Variants in FSTL5 observed in about 807,000 individuals in gnomAD.
The protein encoded by FSTL5 is follistatin-related protein 5.
A neutral mutation model predicts 89.1 loss-of-function variants in FSTL5; 62 were observed. The observed-to-expected ratio is 0.70, with a 90% CI of 0.57 to 0.86. FSTL5 has a LOEUF of 0.86. FSTL5 is among the 40% of genes least tolerant of loss of function. The pLI is 0.00. For synonymous variants in FSTL5, 383 were observed against 346.2 expected (o/e 1.11, Z -1.18); for missense variants, 1,057 against 1,001.6 (o/e 1.06, Z -0.75).
intron 4 of FSTL5, among the ~76,000 whole-genome samples, chr4:161,823,903 T>C (rs1322713732): frequency 2.0e-5 from 3 of 152,372 alleles, no homozygotes; most frequent in Non-Finnish European, 2.9e-5. Context: ...TTGTAGATTC[T>C]GGATACTAGT....
intron 4 of FSTL5, among the ~76,000 whole-genome samples, chr4:161,875,969 A>G (rs1215965125): frequency 6.6e-6 from 1 of 152,192 alleles, no homozygotes; most frequent in Non-Finnish European, 1.5e-5. Context: ...TACAACCACA[A>G]ATGAAAGTCA....
intron 1 of FSTL5, among the ~76,000 whole-genome samples, chr4:162,132,290 T>C (rs1490276774): frequency 6.6e-6 from 1 of 152,206 alleles, no homozygotes; most frequent in Non-Finnish European, 1.5e-5. Flanking sequence ...CAGTGCTCCA[T>C]CAGAGGCAAA....
intron 8 of FSTL5, among the ~76,000 whole-genome samples, chr4:161,545,694 T>A (rs554921414): frequency 1.1e-4 from 17 of 152,084 alleles, no homozygotes; most frequent in African/African-American, 4.1e-4. Flanking sequence ...GGGTTACTAG[T>A]TGCATTCCAT....
chr4:161,747,585 T>C (rs1740244136), intron 6 of FSTL5, among the ~76,000 whole-genome samples: 2 of 152,218 alleles, frequency 1.3e-5, no homozygotes, highest in East Asian at 3.9e-4. Flanking sequence ...TCTGTAAAGC[T>C]TTAAACATAG....
At position 161,386,194 on chromosome 4, in the gene FSTL5, G is replaced by T. The variant is rs755467801; in HGVS notation, c.2097C>A (p.Val699=). ...FNSDVTGTPY[V]SPDGHYLVSI... ...TGACAAGGTAGTGGCCATCTGGAGA[G>T]ACATATGGAGTGCCCGTCACATCAC... Residue 699 remains valine, a synonymous_variant, in exon 16 of 16, where the codon GTC becomes GTA. Transcript: ENST00000306100. 17 of 1,613,882 alleles carry T rather than the reference G, an allele frequency of 1.1e-5. No homozygotes were observed. The highest frequency in any genetic ancestry group is 1.7e-5 in the Admixed American group (1 of 59,972).
At chr4:161,515,882 G>A (rs1730806211) in intron 10 of FSTL5, among the ~76,000 whole-genome samples, 1 of 151,336 alleles carries the variant, frequency 6.6e-6, no homozygotes. Flanking sequence ...AGTAGTATAT[G>A]TTCCTGCAAG....
intron 7 of FSTL5, among the ~76,000 whole-genome samples, chr4:161,590,447 G>A (rs531104197): frequency 9.2e-5 from 14 of 152,296 alleles, no homozygotes; most frequent in African/African-American, 2.4e-4. Flanking sequence ...GCTGAGGCAC[G>A]AGAATTGCTT....
chr4:161,397,730 T>C (rs544813423), intron 15 of FSTL5, among the ~76,000 whole-genome samples: 122 of 151,548 alleles, frequency 8.1e-4, no homozygotes, highest in African/African-American at 2.9e-3. Context: ...ATATTAAAAA[T>C]AAACAATGGT....
chr4:161,569,109 T>C (rs1191647975), intron 8 of FSTL5, among the ~76,000 whole-genome samples: 1 of 152,174 alleles, frequency 6.6e-6, no homozygotes, highest in African/African-American at 2.4e-5. Context: ...GCCTCCTTAG[T>C]ATCTGAGACT....
intron 8 of FSTL5, among the ~76,000 whole-genome samples, chr4:161,550,131 C>T (rs372462389): frequency 2.0e-4 from 30 of 151,838 alleles, no homozygotes; most frequent in African/African-American, 7.0e-4. Flanking sequence ...GCCTAATAAC[C>T]CTTAGTGTCC....
intron 7 of FSTL5, among the ~76,000 whole-genome samples, chr4:161,595,426 TAC>T (rs1371647536): frequency 6.6e-5 from 10 of 152,072 alleles, no homozygotes; most frequent in African/African-American, 2.4e-4. Flanking sequence ...TCTACACCAT[TAC>T]AGAGTTGCCT....
At chr4:161,507,221 A>G (rs1482194204) in intron 11 of FSTL5, among the ~76,000 whole-genome samples, 1 of 151,934 alleles carries the variant, frequency 6.6e-6, no homozygotes, top group African/African-American at 2.4e-5. Context: ...TTCAGTGCCT[A>G]TATAATCCAA....
At chr4:161,444,008 A>G (rs1454758889) in intron 15 of FSTL5, among the ~76,000 whole-genome samples, 1 of 152,024 alleles carries the variant, frequency 6.6e-6, no homozygotes, top group Non-Finnish European at 1.5e-5. Flanking sequence ...TATTATTTAT[A>G]TAGCACTGTA....
intron 7 of FSTL5, among the ~76,000 whole-genome samples, chr4:161,621,736 G>C (rs1477670242): frequency 6.6e-6 from 1 of 151,578 alleles, no homozygotes; most frequent in African/African-American, 2.4e-5. Context: ...CTAGCACTTT[G>C]GGAGGGAGGC....
chr4:161,835,970 C>T (rs1396622414), intron 4 of FSTL5, among the ~76,000 whole-genome samples: 32 of 151,980 alleles, frequency 2.1e-4, no homozygotes, highest in Admixed American at 1.9e-3. Flanking sequence ...ACCCAAAGGA[C>T]TATAAATCAT....
rs914553358 is a variant in FSTL5, at chr4:161,519,792, C to T, written c.1313-9368G>A. Among the ~76,000 whole-genome samples the T allele has an allele frequency of 2.0e-5, 3 of 152,036 alleles. 1 individual carries two copies. Among genetic ancestry groups the T allele is most frequent in the South Asian group, 4.1e-4 (2 of 4,824 alleles). On this transcript the variant is annotated intron_variant, in intron 10 of 15. Transcript: ENST00000306100. ...ACAGATAAATAGGGAAGAAACATTG[C>T]CTTCTAACTCACTCATACTGTATCA...
chr4:161,386,210 G>T lies in FSTL5; in HGVS notation c.2081C>A (p.Thr694Lys), dbSNP rs367671709. The change falls in exon 16 of 16, where the codon ACG becomes AAG. Residue 694 changes from threonine (T) to lysine (K), a missense_variant. This residue lies in a region of FSTL5 where 980 missense variants were observed against 903.2 expected (regional missense o/e 1.08). Coordinates refer to ENST00000306100, the MANE Select transcript of FSTL5 (RefSeq NM_020116.5). ...DSVIGFNSDV[T>K]GTPYVSPDGH... The stretch of plus-strand genomic sequence containing the variant: ...ATCTGGAGAGACATATGGAGTGCCC[G>T]TCACATCACTATTGAACCCAATGAC... 6.2e-7 allele frequency: 1 copy of T among 1,613,944 alleles called. No individual in the cohort carries two copies. The highest frequency in any genetic ancestry group is 8.5e-7 in the Non-Finnish European group (1 of 1,179,954).
intron 13 of FSTL5, among the ~76,000 whole-genome samples, chr4:161,480,731 T>A (rs758837650): frequency 1.2e-4 from 19 of 152,290 alleles, no homozygotes; most frequent in Admixed American, 2.6e-4. Flanking sequence ...TTCCTTGCTC[T>A]AGACAGAATA....
Position 162,033,616 on chromosome 4 carries a change from A to C in FSTL5, c.160+9T>G. 6.9e-7 allele frequency: 1 copy of C among 1,451,536 alleles called. No individual in the cohort carries two copies. The highest frequency in any genetic ancestry group is 1.4e-5 in the African/African-American group (1 of 70,724). 89.9% of individuals were successfully genotyped at this position (1,451,536 alleles called of 1,614,324 possible). A position where few individuals can be genotyped will look rare whatever the true frequency, so the allele number is the denominator to read the frequency against. ...ATATAATTGTTATCTTAAAGCAATC[A>C]TTTCTTACCTTTGACTCTTGAACTT... On this transcript the variant is annotated intron_variant, in intron 3 of 15. Transcript: ENST00000306100.
Sources: gnomAD v4.1 joint callset for allele counts (sites outside exome capture counted in the v4.1 genomes callset) on GRCh38, gnomAD v4.1.1 for gene constraint, gnomAD v4.1.1 regional missense constraint, MANE v1.5 for transcripts, NCBI Gene and HGNC (gene_info 2026-07-23, HGNC 2026-07-21) for gene names.